ARHGAP23: variants seen among roughly 807,000 people sequenced by gnomAD.
The protein encoded by ARHGAP23 is rho GTPase-activating protein 23.
Under a neutral mutation model 136.3 loss-of-function variants are expected in ARHGAP23, and 34 were observed. The observed-to-expected ratio is 0.25, with a 90% CI of 0.19 to 0.33. The LOEUF (loss-of-function observed/expected upper bound fraction) is 0.33. Among genes scored for constraint, ARHGAP23 ranks in the 10% least tolerant of loss-of-function variants. The pLI, the probability that ARHGAP23 is intolerant of heterozygous loss-of-function variation, is 1.00. For missense variants in ARHGAP23, 1,808 were observed against 2,139.0 expected (o/e 0.85, Z 3.05); for synonymous variants, 832 against 920.5 (o/e 0.90, Z 1.74).
intron 3 of ARHGAP23, 58 bp downstream of exon 3, chr17:38,460,990 T>C: frequency 6.5e-7 from 1 of 1,528,600 alleles, no homozygotes; most frequent in South Asian, 1.2e-5. Context: ...AGCTCCTGTC[T>C]CTCCCTGTCC....
intron 1 of ARHGAP23, among the ~76,000 whole-genome samples, chr17:38,454,795 C>T (rs1369013993): frequency 1.3e-5 from 2 of 152,214 alleles, no homozygotes; most frequent in African/African-American, 4.8e-5. Flanking sequence ...GGGGGAGGAG[C>T]AGGGCTCCTG....
intron 6 of ARHGAP23, 113 bp downstream of exon 6, chr17:38,463,495 T>G (rs1237546633): frequency 7.8e-7 from 1 of 1,288,370 alleles, no homozygotes; most frequent in Non-Finnish European, 1.1e-6. Flanking sequence ...CATTGCCCAG[T>G]TGGGGATGCC....
intron 23 of ARHGAP23, among the ~76,000 whole-genome samples, chr17:38,504,441 G>T (rs1408602998): frequency 1.3e-5 from 2 of 152,168 alleles, no homozygotes; most frequent in East Asian, 3.9e-4. Flanking sequence ...GCTGCCTCGG[G>T]CACCAGGGCC....
At chr17:38,443,940 C>T (rs2038975692) in intron 1 of ARHGAP23, among the ~76,000 whole-genome samples, 1 of 152,112 alleles carries the variant, frequency 6.6e-6, no homozygotes. Context: ...GAGCTTTCCC[C>T]TAGTCTCCTC....
chr17:38,490,793 G>A (rs1221789204), intron 19 of ARHGAP23, among the ~76,000 whole-genome samples: 4 of 152,194 alleles, frequency 2.6e-5, no homozygotes, highest in African/African-American at 9.7e-5. Flanking sequence ...CCCCGTATCC[G>A]ATGCATTGCC....
intron 7 of ARHGAP23, 23 bp from the exon 8 acceptor site, chr17:38,469,121 C>T (rs1005076834): frequency 2.6e-6 from 4 of 1,538,242 alleles, no homozygotes; most frequent in African/African-American, 2.7e-5. Context: ...TGCCTTCACA[C>T]CTTTCTCCTT....
intron 1 of ARHGAP23, among the ~76,000 whole-genome samples, chr17:38,432,806 G>A (rs2038713992): frequency 6.6e-6 from 1 of 152,132 alleles, no homozygotes; most frequent in Admixed American, 6.6e-5. Flanking sequence ...TCCAGCCTGG[G>A]CAACATAATG....
intron 11 of ARHGAP23, among the ~76,000 whole-genome samples, chr17:38,476,769 T>C (rs1465789557): frequency 6.6e-6 from 1 of 152,184 alleles, no homozygotes; most frequent in East Asian, 1.9e-4. Flanking sequence ...TAATTCCTTG[T>C]TGGGGGAGGC....
intron 22 of ARHGAP23, 55 bp downstream of exon 22, chr17:38,498,565 A>G (rs1242611176): frequency 4.5e-5 from 63 of 1,386,752 alleles, no homozygotes; most frequent in Non-Finnish European, 5.8e-5. Context: ...TGCATTCCTG[A>G]GGGTCCCAGG....
intron 17 of ARHGAP23, 122 bp downstream of exon 17, chr17:38,486,262 C>G (rs1404430284): frequency 1.1e-6 from 1 of 950,158 alleles, no homozygotes; most frequent in African/African-American, 1.7e-5. Context: ...CAGTCTTGCT[C>G]TGTTGCCCAG....
chr17:38,448,270 A>G (rs1045056833), intron 1 of ARHGAP23, among the ~76,000 whole-genome samples: 2 of 152,106 alleles, frequency 1.3e-5, no homozygotes, highest in African/African-American at 4.8e-5. Context: ...TGGGTCTATG[A>G]GCGTCCACAT....
Position 38,485,141 on chromosome 17 carries a change from G to A in ARHGAP23, c.2908-921G>A, listed in dbSNP as rs192802705. Among the ~76,000 whole-genome samples the A allele has an allele frequency of 9.2e-5, 14 of 152,246 alleles. No homozygotes were observed. The East Asian group carries it at 2.3e-3, about 25-fold the overall frequency. On this transcript the variant is annotated intron_variant, in intron 16 of 23. Transcript: ENST00000622683. ...TAGAGTAGGGTTTCTCAATCTCAGT[G>A]GACATTTTGGGAAGAACAATTATTT... is the stretch of plus-strand genomic sequence containing the variant.
In ARHGAP23 at chr17:38,469,216, T is replaced by C. The variant is rs1215626609; in HGVS notation, c.1721T>C (p.Met574Thr). ...GCCTCTGCTGTGGTCTCCAGTGCCA[T>C]GAACTCAGCCCCTGTCCTGGGCACC... ...VPASAVVSSAMNSAPVLGTSP... is the reference protein window; with the variant it reads ...VPASAVVSSATNSAPVLGTSP... The change falls in exon 8 of 24, where the codon ATG becomes ACG. Residue 574 changes from methionine (M) to threonine (T), a missense_variant. Transcript: ENST00000622683. 2 of 1,551,512 alleles carry C rather than the reference T, an allele frequency of 1.3e-6. No homozygotes were observed. Among genetic ancestry groups the C allele is most frequent in the African/African-American group, 2.7e-5 (2 of 73,020 alleles).
At chr17:38,492,766 A>G (rs1294688188) in intron 20 of ARHGAP23, among the ~76,000 whole-genome samples, 1 of 151,956 alleles carries the variant, frequency 6.6e-6, no homozygotes, top group African/African-American at 2.4e-5. Context: ...TGGGAACACC[A>G]CTCCAGAGCT....
At chr17:38,428,391 A>C (rs11867269), upstream of ARHGAP23, 218 of 448,614 alleles carry the variant, frequency 4.9e-4, 2 homozygotes, top group African/African-American at 1.8e-3. Flanking sequence ...GGGCCCCCCC[A>C]CACCGCGCTC....
chr17:38,472,888 G>A (rs1473619403), intron 11 of ARHGAP23, among the ~76,000 whole-genome samples: 4 of 152,168 alleles, frequency 2.6e-5, no homozygotes, highest in African/African-American at 9.7e-5. Context: ...CTAAGTAAAG[G>A]GTTTACCCAG....
chr17:38,479,942 A>C, intron 14 of ARHGAP23, 59 bp downstream of exon 14: 14 of 1,498,620 alleles, frequency 9.3e-6, no homozygotes, highest in Non-Finnish European at 1.2e-5. Flanking sequence ...TGGGGAGGGG[A>C]GGGCACGCGT....
chr17:38,458,635 C>T (rs908597796), intron 2 of ARHGAP23, among the ~76,000 whole-genome samples: 1 of 152,158 alleles, frequency 6.6e-6, no homozygotes, highest in Non-Finnish European at 1.5e-5. Context: ...TTCCTGGGAC[C>T]CCTGATCTAC....
Position 38,467,296 on chromosome 17 carries a change from C to G in ARHGAP23, c.1613C>G (p.Thr538Ser). 6.0e-6 allele frequency: 9 copies of G among 1,507,780 alleles called. No homozygotes were observed. Among genetic ancestry groups the G allele is most frequent in the Non-Finnish European group, 8.0e-6 (9 of 1,127,442 alleles). 93.4% of individuals were successfully genotyped at this position (1,507,780 alleles called of 1,614,324 possible). ...GGCAGGAAGGTGGCCCCTTTGGCCACCACCGAAGACTCTCTGGCTTCCATC... is the reference window on the plus strand; with the variant it reads ...GGCAGGAAGGTGGCCCCTTTGGCCAGCACCGAAGACTCTCTGGCTTCCATC... The part of the protein sequence containing the change: ...RLGRKVAPLA[T>S]TEDSLASIPF... The change falls in exon 7 of 24, where the codon ACC becomes AGC. Residue 538 changes from threonine (T) to serine (S), a missense_variant. By Grantham distance (58) the Thr-to-Ser change is moderately conservative (BLOSUM62 1). Around this residue, in one of 7 missense-constraint regions of ARHGAP23, gnomAD observed 859 missense variants for 936.4 expected, o/e 0.92. Transcript: ENST00000622683.
Sources: gnomAD v4.1 joint callset for allele counts (sites outside exome capture counted in the v4.1 genomes callset) on GRCh38, gnomAD v4.1.1 for gene constraint, gnomAD v4.1.1 regional missense constraint, MANE v1.5 for transcripts, NCBI Gene and HGNC (gene_info 2026-07-23, HGNC 2026-07-21) for gene names.